Variants in ITPR2 observed in about 807,000 individuals in gnomAD.
ITPR2 encodes the protein inositol 1,4,5-trisphosphate receptor type 2.
A neutral mutation model predicts 317.1 loss-of-function variants in ITPR2; 207 were observed. The ratio of observed to expected loss-of-function variants is 0.65; its 90% CI spans 0.58 to 0.73. ITPR2 has a LOEUF of 0.73. Among genes scored for constraint, ITPR2 ranks in the 30% least tolerant of loss-of-function variants. The probability of loss-of-function intolerance (pLI) is 0.00; values close to 1 mark genes in which losing one functional copy is unlikely to be tolerated. For missense variants in ITPR2, 2,613 were observed against 3,284.0 expected (o/e 0.80, Z 4.99); for synonymous variants, 1,156 against 1,149.1 (o/e 1.01, Z -0.12).
At chr12:26,624,477 T>C (rs1946574634) in intron 23 of ITPR2, 121 bp from the exon 24 acceptor site, 1 of 668,334 alleles carries the variant, frequency 1.5e-6, no homozygotes, top group African/African-American at 1.8e-5. Flanking sequence ...CGACCAAAAG[T>C]CAATTAACAC....
intron 34 of ITPR2, among the ~76,000 whole-genome samples, chr12:26,565,150 C>A (rs543213754): frequency 3.4e-4 from 51 of 152,004 alleles, no homozygotes; most frequent in Non-Finnish European, 6.2e-4. Flanking sequence ...TTCAATGAAC[C>A]CCCTATGAAA....
chr12:26,622,600 A>G (rs1946525553), intron 24 of ITPR2, among the ~76,000 whole-genome samples, 195 bp from the exon 25 acceptor site: 1 of 152,230 alleles, frequency 6.6e-6, no homozygotes, highest in African/African-American at 2.4e-5. Context: ...GTGTCTGTCC[A>G]TGAAAGCAGG....
At chr12:26,414,972 G>A (rs537598511) in intron 51 of ITPR2, among the ~76,000 whole-genome samples, 1 of 151,940 alleles carries the variant, frequency 6.6e-6, no homozygotes, top group East Asian at 1.9e-4. Flanking sequence ...GGGAGACAGG[G>A]AAAAAGAGGA....
chr12:26,533,558 C>A (rs956986630), intron 37 of ITPR2, among the ~76,000 whole-genome samples: 1 of 152,088 alleles, frequency 6.6e-6, no homozygotes, highest in East Asian at 1.9e-4. Flanking sequence ...AGAATATAAC[C>A]ATATTCAGAA....
intron 9 of ITPR2, 89 bp downstream of exon 9, chr12:26,711,084 T>C: frequency 3.8e-6 from 3 of 795,896 alleles, no homozygotes; most frequent in Non-Finnish European, 6.6e-6. Flanking sequence ...TGACTGTTCC[T>C]GCAAATACGA....
intron 9 of ITPR2, among the ~76,000 whole-genome samples, chr12:26,709,791 T>C (rs1948614397): frequency 6.6e-6 from 1 of 152,228 alleles, no homozygotes; most frequent in Non-Finnish European, 1.5e-5. Flanking sequence ...TCTACCTTAC[T>C]AATGATTTTT....
intron 24 of ITPR2, chr12:26,623,292 G>A (rs11048622): frequency 0.24 from 35,947 of 152,008 alleles, 4,609 homozygotes; most frequent in East Asian, 0.34. Context: ...TTTGGGACAT[G>A]AATCATCCCT....
chr12:26,574,529 C>T (rs550296271), intron 34 of ITPR2, among the ~76,000 whole-genome samples: 2 of 152,198 alleles, frequency 1.3e-5, no homozygotes, highest in South Asian at 2.1e-4. Context: ...TTTATAGTTG[C>T]CCATCAAAAT....
At chr12:26,624,169 G>C in intron 24 of ITPR2, 130 bp downstream of exon 24, 1 of 637,646 alleles carries the variant, frequency 1.6e-6, no homozygotes, top group South Asian at 2.2e-5. Flanking sequence ...ATTTCTGGCA[G>C]AAATTATGTT....
intron 2 of ITPR2, among the ~76,000 whole-genome samples, chr12:26,746,092 T>C (rs1949317618): frequency 6.6e-6 from 1 of 151,988 alleles, no homozygotes; most frequent in Non-Finnish European, 1.5e-5. Context: ...TTCTTCTAAA[T>C]TACCCAGAAG....
chr12:26,499,067 T>C (rs930563102), intron 37 of ITPR2, among the ~76,000 whole-genome samples: 1 of 152,236 alleles, frequency 6.6e-6, no homozygotes, highest in Non-Finnish European at 1.5e-5. Context: ...CAAATAAATT[T>C]TTTTAAAGAT....
intron 35 of ITPR2, 128 bp downstream of exon 35, chr12:26,561,634 G>A: frequency 1.5e-6 from 1 of 671,578 alleles, no homozygotes; most frequent in Non-Finnish European, 2.4e-6. Flanking sequence ...TGGTAGTAGA[G>A]AGTTGTAAAG....
chr12:26,481,305 G>T, intron 42 of ITPR2, 64 bp from the exon 43 acceptor site: 1 of 937,540 alleles, frequency 1.1e-6, no homozygotes, highest in Non-Finnish European at 1.7e-6. Context: ...AGAACTAACA[G>T]GATATAAAAC....
chr12:26,539,898 G>A lies in ITPR2; in HGVS notation c.5073+10349C>T, dbSNP rs145964783. On this transcript the variant is annotated intron_variant, in intron 37 of 56. Coordinates refer to ENST00000381340, the MANE Select transcript of ITPR2 (RefSeq NM_002223.4). Reference sequence around the variant, plus strand: ...TTGGATAGGACTAGGGAAGGTCAATGTGCTGCATTGCAGAGAGCTGGTAAC... The same window carrying A: ...TTGGATAGGACTAGGGAAGGTCAATATGCTGCATTGCAGAGAGCTGGTAAC... 5.1e-3 allele frequency among the ~76,000 whole-genome samples: 783 copies of A among 152,338 alleles called. 9 individuals are homozygous for A. The highest frequency in any genetic ancestry group is 0.021 in the South Asian group (103 of 4,828).
intron 2 of ITPR2, among the ~76,000 whole-genome samples, chr12:26,758,839 T>C (rs180821590): frequency 6.6e-6 from 1 of 152,352 alleles, no homozygotes; most frequent in East Asian, 1.9e-4. Flanking sequence ...TTCTTTTAAA[T>C]GTTCTTAATT....
chr12:26,639,434 T>C (rs1591987447), intron 21 of ITPR2, among the ~76,000 whole-genome samples: 1 of 152,292 alleles, frequency 6.6e-6, no homozygotes, highest in Admixed American at 6.5e-5. Flanking sequence ...ATATATTATA[T>C]AGATAATTTA....
chr12:26,421,069 GA>G (rs1940877957), intron 49 of ITPR2, among the ~76,000 whole-genome samples: 1 of 151,792 alleles, frequency 6.6e-6, no homozygotes, highest in African/African-American at 2.4e-5. Flanking sequence ...TTCTCCAAAT[GA>G]AATCATAAAA....
Position 26,419,038 on chromosome 12 carries a change from G to T in ITPR2, c.7110+11C>A, listed in dbSNP as rs1199152175. ...TTTCAGCAGTGATTGTCCACATAGA[G>T]ATGTACTCACCAGGAAGCTATAGAA... On this transcript the variant is annotated intron_variant, in intron 50 of 56. Transcript: ENST00000381340. 4 of 1,611,494 alleles carry T rather than the reference G, an allele frequency of 2.5e-6. No homozygotes were observed. In the Admixed American group the frequency reaches 5.0e-5, roughly 20 times the overall value.
rs183307514 is a variant in ITPR2 at position 26,715,947 on chromosome 12, T to C, written c.625-112A>G. ...AAAGACAATTTTGGATAATGAAGTA[T>C]ATAGCTCAATACAAGTATCTTTGAG... is the stretch of plus-strand genomic sequence containing the variant. On this transcript the variant is annotated intron_variant, in intron 6 of 56. Transcript: ENST00000381340. The C allele has an allele frequency of 1.6e-4, 126 of 806,452 alleles. 3 individuals are homozygous for C. In the African/African-American group the frequency reaches 2.1e-3, roughly 13 times the overall value. The allele number at this position is 806,452 out of a possible 1,614,324, so 50.0% of individuals were successfully genotyped here. A position where few individuals can be genotyped will look rare whatever the true frequency, so the allele number is the denominator to read the frequency against.
Sources: allele counts gnomAD v4.1 joint callset (sites outside exome capture counted in the v4.1 genomes callset), GRCh38; gene constraint gnomAD v4.1.1; transcripts MANE v1.5; gene names NCBI Gene and HGNC (gene_info 2026-07-23, HGNC 2026-07-21).